LAT2: variants seen among roughly 807,000 people sequenced by gnomAD.
The protein encoded by LAT2 is linker for activation of T cells family member 2, also known as linker for activation of T-cells family member 2.
A neutral mutation model predicts 43.4 loss-of-function variants in LAT2; 23 were observed. The observed-to-expected ratio is 0.53, with a 90% CI of 0.38 to 0.75. LAT2 has a LOEUF of 0.75. Ranked by LOEUF, LAT2 falls within the 30% of genes least tolerant of loss-of-function variation. The pLI is 0.00. For missense variants in LAT2, 284 were observed against 310.2 expected, an observed-to-expected ratio of 0.92 and a Z score of 0.64; for synonymous variants, 128 against 123.2, an observed-to-expected ratio of 1.04 and a Z score of -0.26.
At chr7:74,222,230 CAAAAAAAAA>C (rs113312443) in intron 10 of LAT2, among the ~76,000 whole-genome samples, 4 of 65,594 alleles carry the variant, frequency 6.1e-5, no homozygotes, top group African/African-American at 9.7e-5. Context: ...TACAAAAATA[CAAAAAAAAA>C]AAAAAAAAAA....
intron 4 of LAT2, among the ~76,000 whole-genome samples, chr7:74,219,050 G>T (rs1802155041): frequency 4.1e-5 from 3 of 72,354 alleles, no homozygotes; most frequent in East Asian, 4.5e-4. Context: ...TTTTTTTTGA[G>T]ACGGAGTCTC....
intron 4 of LAT2, 90 bp downstream of exon 4, chr7:74,216,954 C>T: frequency 8.9e-7 from 1 of 1,126,442 alleles, no homozygotes; most frequent in East Asian, 2.4e-5. Context: ...CATCCTTCAC[C>T]CCTTCACTCA....
intron 1 of LAT2, among the ~76,000 whole-genome samples, chr7:74,213,950 CCTT>C (rs1360978359): frequency 6.8e-6 from 1 of 147,974 alleles, no homozygotes; most frequent in Non-Finnish European, 1.5e-5. Context: ...GGCCAGGTCT[CCTT>C]ATTATTATTT....
At position 74,220,119 on chromosome 7, in the gene LAT2, C is replaced by T; in HGVS notation, c.228-98C>T. On this transcript the variant is annotated intron_variant, in intron 6 of 13. Coordinates refer to ENST00000460943, the MANE Select transcript of LAT2 (RefSeq NM_032464.3). This position sits in a 1 kb window ranked among gnomAD's most constrained non-coding sequence, Gnocchi z 4.5. ...CCCCGAGTCCCAGAGCTCCAGGGCT[C>T]AGCTATGAAGGCCCCACAAGGGGTA... 2 of 1,563,776 alleles carry T rather than the reference C, an allele frequency of 1.3e-6. No homozygotes were observed. Among genetic ancestry groups the T allele is most frequent in the Non-Finnish European group, 1.7e-6 (2 of 1,145,614 alleles).
rs542572134 is a variant in LAT2, at chr7:74,223,608, G to A, written c.389-116G>A. Reference sequence around the variant, plus strand: ...CTTGAGGTCCCGGGGGACCCAGAGGGCTAGGGCTTGGCGGAAGAGGTCCCC... The same window carrying A: ...CTTGAGGTCCCGGGGGACCCAGAGGACTAGGGCTTGGCGGAAGAGGTCCCC... On this transcript the variant is annotated intron_variant, in intron 10 of 13. Coordinates refer to ENST00000460943, the MANE Select transcript of LAT2 (RefSeq NM_032464.3). 4 of 961,016 alleles carry A rather than the reference G, an allele frequency of 4.2e-6. No individual in the cohort carries two copies. The East Asian group carries it at 9.6e-5, about 23-fold the overall frequency. The allele number at this position is 961,016 out of a possible 1,614,324, so 59.5% of individuals were successfully genotyped here.
rs1313071810 is a variant in LAT2 at position 74,224,928 on chromosome 7, C to T, written c.*18+168C>T. 4 of 542,158 alleles carry T rather than the reference C, an allele frequency of 7.4e-6. No individual in the cohort carries two copies. The African/African-American group carries it at 7.7e-5, about 10-fold the overall frequency. 33.6% of individuals were successfully genotyped at this position (542,158 alleles called of 1,614,324 possible). ...AGAGGGCAGCTTGGCGACTCTGTTCCTCTGTTCTGGCCAGGGGCGTCAGGC... is the reference window on the plus strand; with the variant it reads ...AGAGGGCAGCTTGGCGACTCTGTTCTTCTGTTCTGGCCAGGGGCGTCAGGC... On this transcript the variant is annotated intron_variant, in intron 13 of 13. Transcript: ENST00000460943.
At chr7:74,222,098 C>A (rs1276228203) in intron 10 of LAT2, among the ~76,000 whole-genome samples, 2 of 151,782 alleles carry the variant, frequency 1.3e-5, no homozygotes, top group Non-Finnish European at 2.9e-5. Context: ...GGAAGGGCAA[C>A]TGAGAGGCCG....
chr7:74,216,963 C>T, intron 4 of LAT2, 99 bp downstream of exon 4: 2 of 1,022,282 alleles, frequency 2.0e-6, no homozygotes, highest in Non-Finnish European at 1.5e-6. Flanking sequence ...CCCCTTCACT[C>T]ACACCTCCTC....
chr7:74,222,569 C>G (rs1802329324), intron 10 of LAT2, among the ~76,000 whole-genome samples: 1 of 151,376 alleles, frequency 6.6e-6, no homozygotes, highest in African/African-American at 2.4e-5. Flanking sequence ...TGCCCCCCAC[C>G]ACTGCCACCT....
intron 11 of LAT2, 96 bp from the exon 12 acceptor site, chr7:74,223,922 T>G: frequency 6.7e-7 from 1 of 1,490,742 alleles, no homozygotes; most frequent in Non-Finnish European, 9.2e-7. Flanking sequence ...TACCTTTCGG[T>G]AGAGCCTTGC....
Position 74,220,836 on chromosome 7 carries a change from T to A in LAT2, c.332+102T>A. 1.1e-6 allele frequency: 1 copy of A among 939,472 alleles called. No homozygotes were observed. The highest frequency in any genetic ancestry group is 1.7e-5 in the South Asian group (1 of 57,234). 58.2% of individuals were successfully genotyped at this position (939,472 alleles called of 1,614,324 possible). A position where few individuals can be genotyped will look rare whatever the true frequency, so the allele number is the denominator to read the frequency against. On this transcript the variant is annotated intron_variant, in intron 9 of 13. Transcript: ENST00000460943. This position sits in a 1 kb window ranked among gnomAD's most constrained non-coding sequence, Gnocchi z 4.5. ...CTGCCCCACCTGCCTGCCACAGCCCTGGGCTTCCTGGTCCAGGAACCACCT... is the reference window on the plus strand; with the variant it reads ...CTGCCCCACCTGCCTGCCACAGCCCAGGGCTTCCTGGTCCAGGAACCACCT...
Position 74,223,743 on chromosome 7 carries a change from C to T in LAT2, c.408C>T (p.Tyr136=), listed in dbSNP as rs781912887. ...KPPEDDDANS[Y]ENVLICKQKT... is the part of the protein sequence containing the mutation. ...CTGCAGATGATGATGCCAATTCCTACGAGAATGTGCTCATTTGCAAGCAGA... is the reference window on the plus strand; with the variant it reads ...CTGCAGATGATGATGCCAATTCCTATGAGAATGTGCTCATTTGCAAGCAGA... The change falls in exon 11 of 14, where the codon TAC becomes TAT. Residue 136 remains tyrosine (Y), a synonymous_variant. Transcript: ENST00000460943. 2.2e-5 allele frequency: 35 copies of T among 1,613,836 alleles called. No homozygotes were observed. The highest frequency in any genetic ancestry group is 4.4e-5 in the South Asian group (4 of 91,082).
In LAT2 at chr7:74,228,956, AGAGG is replaced by A. The variant is rs1802593469; in HGVS notation, c.*34_*37del. On this transcript the variant is annotated 3_prime_UTR_variant, in exon 14 of 14. Transcript: ENST00000460943. Reference sequence around the variant, plus strand: ...CTCTTCATTTAAGGAGCCAAGGCAAAGAGGGACCACTGTGCTCATGGACCCATCG... The same window carrying A: ...CTCTTCATTTAAGGAGCCAAGGCAAAGACCACTGTGCTCATGGACCCATCG... 6.6e-6 allele frequency: 1 copy of A among 152,258 alleles called. No individual in the cohort carries two copies. The highest frequency in any genetic ancestry group is 6.5e-5 in the Admixed American group (1 of 15,276). 9.4% of individuals were successfully genotyped at this position (152,258 alleles called of 1,614,324 possible).
chr7:74,223,933 C>G, intron 11 of LAT2, 85 bp from the exon 12 acceptor site: 1 of 1,502,828 alleles, frequency 6.7e-7, no homozygotes, highest in South Asian at 1.2e-5. Context: ...AGAGCCTTGC[C>G]CCTACTATCC....
At chr7:74,222,448 TG>T (rs2116171392) in intron 10 of LAT2, among the ~76,000 whole-genome samples, 1 of 150,244 alleles carries the variant, frequency 6.7e-6, no homozygotes, top group East Asian at 2.0e-4. Flanking sequence ...GGACTCAGGG[TG>T]GGCAGTGCCT....
chr7:74,224,257 T>C (rs1476794882), intron 12 of LAT2, 60 bp downstream of exon 12: 17 of 1,554,980 alleles, frequency 1.1e-5, no homozygotes, highest in Non-Finnish European at 1.4e-5. Context: ...GGGACTGGCC[T>C]GGAAGGGCAG....
Position 74,220,273 on chromosome 7 carries a change from G to A in LAT2, c.265+19G>A, listed in dbSNP as rs1802215635. 1.9e-6 allele frequency: 3 copies of A among 1,608,446 alleles called. No individual in the cohort carries two copies. The highest frequency in any genetic ancestry group is 1.7e-4 in the Middle Eastern group (1 of 6,046). On this transcript the variant is annotated intron_variant, in intron 7 of 13. Coordinates refer to ENST00000460943, the MANE Select transcript of LAT2 (RefSeq NM_032464.3). This position sits in a 1 kb window ranked among gnomAD's most constrained non-coding sequence, Gnocchi z 4.5. ...CTGGAGGGTGAGTGGCACAGGGCAGGGACAGGGACAGGCCTAGCCAAGCTG... is the reference window on the plus strand; with the variant it reads ...CTGGAGGGTGAGTGGCACAGGGCAGAGACAGGGACAGGCCTAGCCAAGCTG...
At position 74,212,309 on chromosome 7, in the gene LAT2, C is replaced by T. The variant is rs373245635; in HGVS notation, c.-219+2221C>T. 5.9e-5 allele frequency among the ~76,000 whole-genome samples: 9 copies of T among 151,902 alleles called. No individual in the cohort carries two copies. The East Asian group carries it at 9.7e-4, about 16-fold the overall frequency. On this transcript the variant is annotated intron_variant, in intron 1 of 13. Coordinates refer to ENST00000460943, the MANE Select transcript of LAT2 (RefSeq NM_032464.3). The stretch of plus-strand genomic sequence containing the variant: ...TATTATTATTATTTTGAGATGGAGT[C>T]TCACTCTGTCTCCCATGCTGGAGTG...
At chr7:74,216,300 G>A (rs1802045251) in intron 3 of LAT2, among the ~76,000 whole-genome samples, 1 of 152,120 alleles carries the variant, frequency 6.6e-6, no homozygotes, top group Non-Finnish European at 1.5e-5. Flanking sequence ...CCCAGACGAG[G>A]GAGGGGAGGC....
Sources: gnomAD v4.1 joint callset for allele counts (sites outside exome capture counted in the v4.1 genomes callset) on GRCh38, gnomAD v4.1.1 for gene constraint, Gnocchi (gnomAD v3.1) non-coding constraint, MANE v1.5 for transcripts, NCBI Gene and HGNC (gene_info 2026-07-23, HGNC 2026-07-21) for gene names.